ZFHX3: variants seen among roughly 807,000 people sequenced by gnomAD.
The protein encoded by ZFHX3 is zinc finger homeobox 3, also known as zinc finger homeobox protein 3.
In ZFHX3, 42 loss-of-function variants were observed where a neutral mutation model predicts 279.1. That is an observed-to-expected ratio of 0.15 (90% confidence interval 0.12 to 0.19). The LOEUF is 0.19. Among genes scored for constraint, ZFHX3 ranks in the 10% least tolerant of loss-of-function variants. ZFHX3 has a pLI of 1.00. For missense variants in ZFHX3, 4,981 were observed against 4,754.0 expected, an observed-to-expected ratio of 1.05 and a Z score of -1.40; for synonymous variants, 2,293 against 1,957.8, an observed-to-expected ratio of 1.17 and a Z score of -4.52.
intron 5 of ZFHX3, among the ~76,000 whole-genome samples, chr16:73,239,583 A>C (rs898715036): frequency 6.6e-6 from 1 of 152,196 alleles, no homozygotes; most frequent in South Asian, 2.1e-4. Flanking sequence ...AAAGCTCTTG[A>C]GGTCAGGGAC....
chr16:73,309,621 AC>A (rs1432435787), intron 4 of ZFHX3, among the ~76,000 whole-genome samples: 1 of 152,200 alleles, frequency 6.6e-6, no homozygotes, highest in East Asian at 1.9e-4. Context: ...ACTGAAAGTT[AC>A]TTTTAAGCAG....
chr16:73,427,439 G>C (rs1317357701), intron 3 of ZFHX3, among the ~76,000 whole-genome samples: 1 of 152,066 alleles, frequency 6.6e-6, no homozygotes, highest in Non-Finnish European at 1.5e-5. Flanking sequence ...CACCCAGCTC[G>C]CTAACGGCAG....
intron 1 of ZFHX3, among the ~76,000 whole-genome samples, chr16:72,974,331 C>T (rs12325562): frequency 0.034 from 5,143 of 152,304 alleles, 203 homozygotes; most frequent in African/African-American, 0.094. Flanking sequence ...AAATGGCACA[C>T]ACAGGACAAT....
intron 2 of ZFHX3, among the ~76,000 whole-genome samples, chr16:73,595,152 T>C (rs11149916): frequency 0.5 from 76,050 of 151,866 alleles, 21,704 homozygotes; most frequent in East Asian, 0.8. Context: ...ATAAATAACT[T>C]CTCCCTCTGT....
At chr16:73,095,563 T>C (rs1179942441) in intron 7 of ZFHX3, among the ~76,000 whole-genome samples, 2 of 152,230 alleles carry the variant, frequency 1.3e-5, no homozygotes, top group African/African-American at 4.8e-5. Flanking sequence ...TTAAAACAGG[T>C]ATAAATCATT....
intron 2 of ZFHX3, among the ~76,000 whole-genome samples, chr16:73,624,467 G>C (rs979266766): frequency 2.9e-5 from 1 of 34,934 alleles, no homozygotes; most frequent in African/African-American, 4.4e-5. Flanking sequence ...CTAGAGTCAG[G>C]GGGCAGGAGG....
chr16:73,166,720 G>A (rs1035239969), intron 5 of ZFHX3, among the ~76,000 whole-genome samples: 1 of 152,192 alleles, frequency 6.6e-6, no homozygotes, highest in South Asian at 2.1e-4. Flanking sequence ...GCTGTTTTTA[G>A]GAAGGCAGGA....
At chr16:73,231,539 C>A (rs2012772589) in intron 5 of ZFHX3, among the ~76,000 whole-genome samples, 1 of 152,184 alleles carries the variant, frequency 6.6e-6, no homozygotes. Flanking sequence ...GGTGATAAGG[C>A]AAGTTCGTGT....
chr16:73,505,228 T>C (rs1364834762), intron 2 of ZFHX3, among the ~76,000 whole-genome samples: 1 of 152,152 alleles, frequency 6.6e-6, no homozygotes, highest in Non-Finnish European at 1.5e-5. Flanking sequence ...TATATATGTA[T>C]ATCCTCCCCG....
intron 5 of ZFHX3, among the ~76,000 whole-genome samples, chr16:73,155,497 G>T (rs1343794913): frequency 6.6e-6 from 1 of 152,098 alleles, no homozygotes; most frequent in East Asian, 1.9e-4. Context: ...TTTTAAACAA[G>T]TGCTAGTGAT....
intron 1 of ZFHX3, chr16:73,813,800 C>G (rs143566473): frequency 6.6e-6 from 1 of 152,344 alleles, no homozygotes; most frequent in Non-Finnish European, 1.5e-5. Context: ...GAACTCCTTC[C>G]CGGAGCGGAG....
chr16:73,401,371 A>ACACACACACACACAC (rs1555514057), intron 3 of ZFHX3: 1 of 120,848 alleles, frequency 8.3e-6, no homozygotes, highest in Non-Finnish European at 1.7e-5. Context: ...CAAAAAACAA[A>ACACACACACACACAC]ACACACACAC....
chr16:73,189,573 G>A (rs1204305624), intron 5 of ZFHX3, among the ~76,000 whole-genome samples: 1 of 152,228 alleles, frequency 6.6e-6, no homozygotes, highest in African/African-American at 2.4e-5. Context: ...AGACTGGTTA[G>A]TTTTGGAAGC....
chr16:73,782,907 T>C (rs924575204), intron 1 of ZFHX3, among the ~76,000 whole-genome samples: 3 of 152,176 alleles, frequency 2.0e-5, no homozygotes, highest in Non-Finnish European at 4.4e-5. Context: ...GGGAGTTAAT[T>C]TGTTACCACA....
intron 2 of ZFHX3, among the ~76,000 whole-genome samples, chr16:73,614,319 C>T (rs181114843): frequency 3.6e-4 from 55 of 152,332 alleles, no homozygotes; most frequent in African/African-American, 1.3e-3. Flanking sequence ...GATATGGAAA[C>T]AGCTCAGATT....
chr16:73,342,053 G>T (rs1360570691), intron 3 of ZFHX3, among the ~76,000 whole-genome samples: 1 of 152,058 alleles, frequency 6.6e-6, no homozygotes, highest in Non-Finnish European at 1.5e-5. Context: ...CTGTAAAATG[G>T]GTGAATTGTA....
chr16:73,661,364 A>G (rs1031103694), intron 2 of ZFHX3, among the ~76,000 whole-genome samples: 3 of 152,226 alleles, frequency 2.0e-5, no homozygotes, highest in Non-Finnish European at 4.4e-5. Context: ...TTTGGAACAT[A>G]TAAGCATGAA....
chr16:73,209,573 C>T (rs976266323), intron 5 of ZFHX3, among the ~76,000 whole-genome samples: 1 of 152,138 alleles, frequency 6.6e-6, no homozygotes, highest in Non-Finnish European at 1.5e-5. Flanking sequence ...GAAGCACTTC[C>T]CATTAGGTCC....
At chr16:73,002,535 G>A (rs1963535773) in intron 1 of ZFHX3, among the ~76,000 whole-genome samples, 1 of 152,126 alleles carries the variant, frequency 6.6e-6, no homozygotes, top group African/African-American at 2.4e-5. Flanking sequence ...CAGAAAGACA[G>A]CACACACATT....
Sources: gnomAD v4.1 joint callset for allele counts (sites outside exome capture counted in the v4.1 genomes callset) on GRCh38, gnomAD v4.1.1 for gene constraint, MANE v1.5 for transcripts, NCBI Gene and HGNC (gene_info 2026-07-23, HGNC 2026-07-21) for gene names.